Variants in DOCK1 observed in about 807,000 individuals in gnomAD.
The protein encoded by DOCK1 is dedicator of cytokinesis 1.
DOCK1 carries 138 observed loss-of-function variants against 262.7 expected under a neutral mutation model. That is an observed-to-expected ratio of 0.53 (90% CI 0.46 to 0.61). The LOEUF (loss-of-function observed/expected upper bound fraction) is 0.61. Ranked by LOEUF, DOCK1 falls within the 20% of genes least tolerant of loss-of-function variation. The pLI is 0.00. For missense variants in DOCK1, 1,908 were observed against 2,370.7 expected, an observed-to-expected ratio of 0.80 and a Z score of 4.05; for synonymous variants, 866 against 867.4, an observed-to-expected ratio of 1.00 and a Z score of 0.03.
chr10:127,317,555 A>G (rs980750816), intron 29 of DOCK1, among the ~76,000 whole-genome samples: 1 of 152,194 alleles, frequency 6.6e-6, no homozygotes, highest in African/African-American at 2.4e-5. Flanking sequence ...GAGAAGACAC[A>G]GTGTCCGGAG....
intron 47 of DOCK1, 27 bp downstream of exon 47, chr10:127,426,038 C>T: frequency 6.2e-7 from 1 of 1,612,544 alleles, no homozygotes; most frequent in Non-Finnish European, 8.5e-7. Flanking sequence ...CGTAGTGTTG[C>T]AGAAGAGTGG....
At chr10:127,111,465 C>G (rs1267506796) in intron 25 of DOCK1, among the ~76,000 whole-genome samples, 2 of 152,090 alleles carry the variant, frequency 1.3e-5, no homozygotes, top group Non-Finnish European at 2.9e-5. Context: ...GTCTGGGACT[C>G]AAAGCACATG....
chr10:127,197,859 G>A (rs946860472), intron 27 of DOCK1, among the ~76,000 whole-genome samples: 2 of 152,188 alleles, frequency 1.3e-5, no homozygotes, highest in African/African-American at 4.8e-5. Context: ...TTCTTTGTAT[G>A]TGGATGCTTT....
chr10:127,303,411 A>G (rs941401724), intron 29 of DOCK1, among the ~76,000 whole-genome samples: 15 of 152,306 alleles, frequency 9.8e-5, no homozygotes, highest in South Asian at 6.2e-4. Flanking sequence ...TTGAGAAGAG[A>G]GCTCAGAGGA....
intron 44 of DOCK1, 127 bp downstream of exon 44, chr10:127,415,365 C>G (rs2068094751): frequency 1.2e-6 from 1 of 812,648 alleles, no homozygotes; most frequent in South Asian, 1.8e-5. Context: ...TCTACAGTTC[C>G]CATAACCACC....
rs902864945 is a variant in DOCK1 at position 126,995,217 on chromosome 10, C to G, written c.474-1531C>G. On this transcript the variant is annotated intron_variant, in intron 6 of 51. Transcript: ENST00000623213. This position sits in a 1 kb window ranked among gnomAD's most constrained non-coding sequence, Gnocchi z 5.8. ...CAGACTGGGTGGCCGGGCAGACACG[C>G]TCCTCACTTCCCAGACGGGGTGGCG... 6.6e-6 allele frequency among the ~76,000 whole-genome samples: 1 copy of G among 152,032 alleles called. No homozygotes were observed. The highest frequency in any genetic ancestry group is 6.5e-5 in the Admixed American group (1 of 15,272).
chr10:127,373,927 T>C lies in DOCK1; in HGVS notation c.3518+61T>C, dbSNP rs943468515. ...AGATACAGAGACAGAGAGACCGTAA[T>C]TAGACTACAATGAACTTTGTAACCC... is the stretch of plus-strand genomic sequence containing the variant. On this transcript the variant is annotated intron_variant, in intron 34 of 51. Coordinates refer to ENST00000623213, the MANE Select transcript of DOCK1 (RefSeq NM_001290223.2). The C allele has an allele frequency of 2.7e-5, 42 of 1,556,202 alleles. 1 individual carries two copies. The African/African-American group carries it at 4.2e-4, about 16-fold the overall frequency.
intron 25 of DOCK1, among the ~76,000 whole-genome samples, chr10:127,121,698 G>A (rs1199305777): frequency 1.3e-5 from 2 of 152,300 alleles, no homozygotes; most frequent in East Asian, 3.9e-4. Context: ...TTTTGGGGAA[G>A]GCAGCTGAGT....
At chr10:126,974,931 C>T (rs753032151) in intron 2 of DOCK1, among the ~76,000 whole-genome samples, 2 of 152,000 alleles carry the variant, frequency 1.3e-5, no homozygotes, top group Non-Finnish European at 2.9e-5. Flanking sequence ...GAAGAGGAAT[C>T]GACTGCCTAT....
intron 3 of DOCK1, among the ~76,000 whole-genome samples, chr10:126,979,299 T>A (rs1239446772): frequency 1.3e-5 from 2 of 152,098 alleles, no homozygotes; most frequent in Admixed American, 1.3e-4. Flanking sequence ...AGTGGGAGGA[T>A]TGCTTGAGCT....
chr10:127,242,463 T>C (rs973680189), intron 27 of DOCK1, among the ~76,000 whole-genome samples: 1 of 152,204 alleles, frequency 6.6e-6, no homozygotes, highest in African/African-American at 2.4e-5. Context: ...TTCTATCTTA[T>C]CAGCTCTAAG....
intron 23 of DOCK1, among the ~76,000 whole-genome samples, chr10:127,078,730 AT>A (rs1429199367): frequency 1.3e-5 from 2 of 152,208 alleles, no homozygotes; most frequent in Non-Finnish European, 2.9e-5. Context: ...GATAAAGAAC[AT>A]GATGGAGTAC....
intron 23 of DOCK1, among the ~76,000 whole-genome samples, chr10:127,081,243 G>A (rs1410486033): frequency 6.6e-6 from 1 of 152,086 alleles, no homozygotes; most frequent in Non-Finnish European, 1.5e-5. Flanking sequence ...CATACCTGGT[G>A]CAGAGGCCAC....
At chr10:127,045,601 C>T (rs953054779) in intron 21 of DOCK1, among the ~76,000 whole-genome samples, 1 of 152,198 alleles carries the variant, frequency 6.6e-6, no homozygotes, top group Non-Finnish European at 1.5e-5. Flanking sequence ...GCCCTTCTTC[C>T]CAACAACACC....
rs530462302 is a variant in DOCK1 at position 127,189,557 on chromosome 10, G to A, written c.2848-58451G>A. Among the ~76,000 whole-genome samples the A allele has an allele frequency of 2.9e-3, 439 of 152,322 alleles. 2 individuals are homozygous for A. The highest frequency in any genetic ancestry group is 5.6e-3 in the Non-Finnish European group (384 of 68,022). On this transcript the variant is annotated intron_variant, in intron 27 of 51. Transcript: ENST00000623213. ...CAAGACTAAAATATAAATAGCAAGT[G>A]CAAAACAAATTAAATGAGGATATGA...
intron 1 of DOCK1, among the ~76,000 whole-genome samples, chr10:126,915,022 C>G (rs534897697): frequency 1.3e-5 from 2 of 152,168 alleles, no homozygotes; most frequent in Non-Finnish European, 2.9e-5. Flanking sequence ...CTCACATTTT[C>G]TCACCGTGAC....
chr10:127,294,478 C>A (rs915735784), intron 29 of DOCK1, among the ~76,000 whole-genome samples: 1 of 151,528 alleles, frequency 6.6e-6, no homozygotes, highest in Non-Finnish European at 1.5e-5. Context: ...CTCGTCACCA[C>A]GCCAGGCTGA....
chr10:127,295,322 C>G (rs2135394797), intron 29 of DOCK1, among the ~76,000 whole-genome samples: 1 of 152,200 alleles, frequency 6.6e-6, no homozygotes, highest in African/African-American at 2.4e-5. Flanking sequence ...TGCCAGCTTC[C>G]TTTGAACAAC....
chr10:127,417,633 T>C (rs1273483597), intron 44 of DOCK1, among the ~76,000 whole-genome samples: 1 of 152,182 alleles, frequency 6.6e-6, no homozygotes, highest in Non-Finnish European at 1.5e-5. Context: ...CTGAATACAG[T>C]GGCTCAATCT....
Sources: gnomAD v4.1 joint callset for allele counts (sites outside exome capture counted in the v4.1 genomes callset) on GRCh38, gnomAD v4.1.1 for gene constraint, Gnocchi (gnomAD v3.1) non-coding constraint, MANE v1.5 for transcripts, NCBI Gene and HGNC (gene_info 2026-07-23, HGNC 2026-07-21) for gene names.